The following LCORL variants were observed in gnomAD, a reference collection of about 807,000 sequenced individuals.
LCORL encodes ligand-dependent nuclear receptor corepressor-like protein.
In LCORL, 41 loss-of-function variants were observed where a neutral mutation model predicts 141.8. The observed-to-expected ratio is 0.29, with a 90% CI of 0.23 to 0.38. LCORL has a LOEUF of 0.38. LCORL is among the 10% of genes least tolerant of loss of function. The pLI is 1.00. For missense variants in LCORL, 1,759 were observed against 2,035.0 expected (o/e 0.86, Z 2.61); for synonymous variants, 618 against 694.1 (o/e 0.89, Z 1.72).
chr4:17,949,207 T>C (rs1463777296), intron 4 of LCORL, among the ~76,000 whole-genome samples: 3 of 152,070 alleles, frequency 2.0e-5, no homozygotes, highest in Non-Finnish European at 4.4e-5. Context: ...GCTACTCTCA[T>C]CTTTTGACTA....
intron 1 of LCORL, among the ~76,000 whole-genome samples, chr4:18,019,514 T>C (rs773576670): frequency 3.3e-5 from 5 of 152,236 alleles, no homozygotes; most frequent in Non-Finnish European, 7.3e-5. Context: ...TAACTTTCAA[T>C]GTCTTCCAAT....
chr4:17,903,367 C>T (rs560904307), intron 5 of LCORL, among the ~76,000 whole-genome samples: 2 of 151,950 alleles, frequency 1.3e-5, no homozygotes, highest in Non-Finnish European at 2.9e-5. Context: ...CCAATCTGAT[C>T]TTGTTCTGTA....
intron 7 of LCORL, among the ~76,000 whole-genome samples, chr4:17,865,648 A>T (rs1725554051): frequency 6.6e-6 from 1 of 152,240 alleles, no homozygotes; most frequent in South Asian, 2.1e-4. Context: ...TGTTCATATT[A>T]GTAAATAATC....
intron 4 of LCORL, among the ~76,000 whole-genome samples, chr4:17,956,214 T>C (rs1304103401): frequency 6.6e-6 from 1 of 152,058 alleles, no homozygotes; most frequent in African/African-American, 2.4e-5. Flanking sequence ...TTTCTGGGAG[T>C]GTACATTGTA....
intron 2 of LCORL, among the ~76,000 whole-genome samples, chr4:17,969,152 C>A (rs1715474081): frequency 6.6e-6 from 1 of 152,080 alleles, no homozygotes; most frequent in Non-Finnish European, 1.5e-5. Flanking sequence ...TCCTATGACA[C>A]CAGAAGTGCA....
chr4:18,020,088 A>G (rs1296694141), intron 1 of LCORL, among the ~76,000 whole-genome samples: 2 of 152,220 alleles, frequency 1.3e-5, no homozygotes, highest in African/African-American at 4.8e-5. Context: ...AATTACTTAA[A>G]CATCACTTAA....
At chr4:17,882,235 T>A (rs558376479) in intron 6 of LCORL, 1 of 984,638 alleles carries the variant, frequency 1.0e-6, no homozygotes, top group Non-Finnish European at 1.2e-6. Flanking sequence ...ACTTATTTTT[T>A]AAATTCAGCT....
intron 1 of LCORL, among the ~76,000 whole-genome samples, chr4:18,001,076 T>G (rs943362280): frequency 2.0e-5 from 3 of 152,014 alleles, no homozygotes; most frequent in Non-Finnish European, 4.4e-5. Context: ...GAGGCCAAGG[T>G]GGAAGGACTG....
intron 4 of LCORL, among the ~76,000 whole-genome samples, chr4:17,954,824 C>T (rs1219187935): frequency 1.3e-5 from 2 of 152,084 alleles, no homozygotes; most frequent in Non-Finnish European, 2.9e-5. Context: ...CGAGTGATAC[C>T]TTTCACAAAG....
intron 5 of LCORL, among the ~76,000 whole-genome samples, chr4:17,892,251 C>T (rs941035454): frequency 1.9e-4 from 28 of 149,648 alleles, no homozygotes; most frequent in Admixed American, 5.3e-4. Flanking sequence ...CTCTGTTGCC[C>T]AGGCTGGAGT....
At chr4:17,854,103 G>A (rs1429780033) in intron 7 of LCORL, among the ~76,000 whole-genome samples, 1 of 152,100 alleles carries the variant, frequency 6.6e-6, no homozygotes, top group Non-Finnish European at 1.5e-5. Context: ...GGTCTTTAGG[G>A]ATAAGGATGT....
chr4:17,998,896 T>C lies in LCORL; in HGVS notation c.154+22702A>G, dbSNP rs188189534. On this transcript the variant is annotated intron_variant, in intron 1 of 7. Coordinates refer to ENST00000635767, the Ensembl canonical transcript of LCORL. ...GGGAGATCACCTGAGACTGACAAGGTCAAGGCTGCAGTGAGCCATGATCAC... is the reference window on the plus strand; with the variant it reads ...GGGAGATCACCTGAGACTGACAAGGCCAAGGCTGCAGTGAGCCATGATCAC... 3.9e-4 allele frequency among the ~76,000 whole-genome samples: 54 copies of C among 138,980 alleles called. 1 individual carries two copies. The East Asian group carries it at 0.011, about 29-fold the overall frequency. The allele number at this position is 138,980 out of a possible 152,430, so 91.2% of individuals were successfully genotyped here. A position where few individuals can be genotyped will look rare whatever the true frequency, so the allele number is the denominator to read the frequency against.
chr4:17,943,218 T>A (rs1738263461), intron 4 of LCORL, among the ~76,000 whole-genome samples: 1 of 152,166 alleles, frequency 6.6e-6, no homozygotes, highest in Admixed American at 6.5e-5. Flanking sequence ...TATCCTACTG[T>A]AACAAGCAAT....
In LCORL at chr4:17,884,399, G is replaced by C; in HGVS notation, c.776+1669C>G. The C allele has an allele frequency of 6.5e-7, 1 of 1,549,250 alleles. No individual in the cohort carries two copies. The highest frequency in any genetic ancestry group is 8.7e-7 in the Non-Finnish European group (1 of 1,145,978). The stretch of plus-strand genomic sequence containing the variant: ...TAGCTGATGGAGGTAAGTGGAAGCT[G>C]TTGGGAATTTTATTTCTGAGGTTTC... On this transcript the variant is annotated intron_variant, in intron 6 of 7. Transcript: ENST00000635767. This position sits in a 1 kb window ranked among gnomAD's most constrained non-coding sequence, Gnocchi z 4.4.
rs527582478 is a variant in LCORL, at chr4:17,997,999, C to T, written c.154+23599G>A. Among the ~76,000 whole-genome samples the T allele has an allele frequency of 3.9e-5, 6 of 152,276 alleles. No homozygotes were observed. The South Asian group carries it at 1.2e-3, about 32-fold the overall frequency. On this transcript the variant is annotated intron_variant, in intron 1 of 7. Coordinates refer to ENST00000635767, the Ensembl canonical transcript of LCORL. ...AGGTGATTTGTTGTTGTTGTGCTAA[C>T]ATCAGAGTGTACTTACACAAACCTA...
intron 5 of LCORL, among the ~76,000 whole-genome samples, chr4:17,897,727 C>T (rs1360166058): frequency 2.0e-5 from 3 of 152,144 alleles, no homozygotes; most frequent in Non-Finnish European, 4.4e-5. Context: ...TCATACTTGA[C>T]CACCTGGGAA....
chr4:17,850,161 C>G (rs2109097013), intron 7 of LCORL, among the ~76,000 whole-genome samples: 1 of 143,790 alleles, frequency 7.0e-6, no homozygotes, highest in Non-Finnish European at 1.5e-5. Context: ...AACGTTAGAC[C>G]TAAAACCATA....
intron 2 of LCORL, among the ~76,000 whole-genome samples, chr4:17,968,918 T>C (rs1457263863): frequency 6.6e-6 from 1 of 152,242 alleles, no homozygotes; most frequent in African/African-American, 2.4e-5. Context: ...AAATAATGCC[T>C]TTGATATGTT....
chr4:17,853,238 TG>T (rs751478609), intron 7 of LCORL, among the ~76,000 whole-genome samples: 1 of 152,062 alleles, frequency 6.6e-6, no homozygotes, highest in Non-Finnish European at 1.5e-5. Flanking sequence ...TGATTCTCCA[TG>T]TTAATACCCA....
Sources: allele counts gnomAD v4.1 joint callset (sites outside exome capture counted in the v4.1 genomes callset), GRCh38; gene constraint gnomAD v4.1.1; non-coding constraint Gnocchi (gnomAD v3.1); transcripts MANE v1.5; gene names NCBI Gene and HGNC (gene_info 2026-07-23, HGNC 2026-07-21).